Variants in ARHGEF4 observed in about 807,000 individuals in gnomAD.
ARHGEF4 encodes the protein APC-stimulated guanine nucleotide exchange factor 1.
ARHGEF4 carries 119 observed loss-of-function variants against 162.0 expected under a neutral mutation model. The ratio of observed to expected loss-of-function variants is 0.73; its 90% CI spans 0.63 to 0.86. The LOEUF (loss-of-function observed/expected upper bound fraction) is 0.86. Ranked by LOEUF, ARHGEF4 falls within the 40% of genes least tolerant of loss-of-function variation. ARHGEF4 has a pLI of 0.00. For missense variants in ARHGEF4, 2,488 were observed against 2,456.0 expected (o/e 1.01, Z -0.28); for synonymous variants, 1,014 against 979.9 (o/e 1.03, Z -0.65).
intron 4 of ARHGEF4, among the ~76,000 whole-genome samples, chr2:130,950,055 C>T (rs561869665): frequency 1.2e-4 from 18 of 152,308 alleles, no homozygotes; most frequent in African/African-American, 2.4e-4. Context: ...CTGGAAGTGA[C>T]GTTCTTTCAG....
chr2:130,901,280 G>C (rs1337445251), intron 1 of ARHGEF4, among the ~76,000 whole-genome samples: 5 of 152,164 alleles, frequency 3.3e-5, no homozygotes, highest in Admixed American at 2.6e-4. Context: ...AGCCTGGCAG[G>C]TGGGCGTTGG....
At chr2:130,844,488 G>A (rs537546096) in intron 1 of ARHGEF4, among the ~76,000 whole-genome samples, 9 of 152,344 alleles carry the variant, frequency 5.9e-5, no homozygotes, top group African/African-American at 1.7e-4. Context: ...TATCAGCCAC[G>A]TTTGTACCAC....
intron 4 of ARHGEF4, among the ~76,000 whole-genome samples, chr2:130,994,533 C>T (rs1431900437): frequency 6.6e-6 from 1 of 152,174 alleles, no homozygotes; most frequent in Non-Finnish European, 1.5e-5. Context: ...ATTTAATTCT[C>T]TACATTTTTT....
intron 1 of ARHGEF4, among the ~76,000 whole-genome samples, chr2:130,841,683 A>G (rs915319812): frequency 1.3e-5 from 2 of 152,186 alleles, no homozygotes; most frequent in South Asian, 2.1e-4. Context: ...TCTCCTTCCT[A>G]AATGTTTCTT....
Position 130,914,610 on chromosome 2 carries a change from C to G in ARHGEF4, c.664C>G (p.Leu222Val). ...SLQKSRSESY[L>V]GIPVVWPFLL... ...TCAGAAATCCAGGTCTGAGAGCTAT[C>G]TGGGCATCCCAGTGGTCTGGCCCTT... The change falls in exon 2 of 14, where the codon CTG becomes GTG. Residue 222 changes from leucine (L) to valine (V), a missense_variant. Around this residue, in one of 6 missense-constraint regions of ARHGEF4, gnomAD observed 81 missense variants for 125.8 expected, o/e 0.64. Coordinates refer to ENST00000409359, the MANE Select transcript of ARHGEF4 (RefSeq NM_001367493.1). 7.2e-7 allele frequency: 1 copy of G among 1,392,908 alleles called. No homozygotes were observed. Among genetic ancestry groups the G allele is most frequent in the Non-Finnish European group, 9.3e-7 (1 of 1,080,316 alleles). 86.3% of individuals were successfully genotyped at this position (1,392,908 alleles called of 1,614,324 possible).
chr2:130,992,735 T>TTAAAGTATTAAGGATTATTTAGCTGAA (rs1687120105), intron 4 of ARHGEF4, among the ~76,000 whole-genome samples: 3 of 152,134 alleles, frequency 2.0e-5, no homozygotes, highest in Admixed American at 6.5e-5. Flanking sequence ...TGCAACAACT[T>TTAAAGTATTAAGGATTATTTAGCTGAA]TAAAGTATTA....
At chr2:130,964,186 G>A (rs1257260584) in intron 4 of ARHGEF4, 6 of 985,160 alleles carry the variant, frequency 6.1e-6, no homozygotes, top group Non-Finnish European at 7.2e-6. Flanking sequence ...CGGAGGCAAC[G>A]GGGGCATGCG....
At chr2:130,924,029 C>T (rs913600380) in intron 2 of ARHGEF4, among the ~76,000 whole-genome samples, 10 of 151,720 alleles carry the variant, frequency 6.6e-5, no homozygotes, top group Middle Eastern at 3.4e-3. Context: ...TACAGGCACC[C>T]GCCAACACAC....
At chr2:130,927,107 T>C (rs761760670) in intron 2 of ARHGEF4, among the ~76,000 whole-genome samples, 16 of 152,070 alleles carry the variant, frequency 1.1e-4, no homozygotes, top group Non-Finnish European at 2.1e-4. Flanking sequence ...ATTAGGTTGA[T>C]GCCCTTTAGA....
chr2:130,856,093 C>G (rs904853430), intron 1 of ARHGEF4, among the ~76,000 whole-genome samples: 4 of 152,160 alleles, frequency 2.6e-5, no homozygotes, highest in African/African-American at 9.7e-5. Context: ...TATTATAACT[C>G]AGTTCAAATA....
At chr2:130,869,097 GGTCCCTACTCA>G (rs1197619377) in intron 1 of ARHGEF4, among the ~76,000 whole-genome samples, 1 of 152,208 alleles carries the variant, frequency 6.6e-6, no homozygotes, top group East Asian at 1.9e-4. Context: ...ACATCTTGGG[GGTCCCTACTCA>G]GCCTACCAAG....
chr2:131,040,408 C>A lies in ARHGEF4; in HGVS notation c.4630C>A (p.Leu1544Met). The A allele has an allele frequency of 6.2e-7, 1 of 1,603,284 alleles. No individual in the cohort carries two copies. The highest frequency in any genetic ancestry group is 8.5e-7 in the Non-Finnish European group (1 of 1,175,316). Residue 1544 changes from leucine (L) to methionine (M), a missense_variant, in exon 8 of 14, where the codon CTG becomes ATG. Coordinates refer to ENST00000409359, the MANE Select transcript of ARHGEF4 (RefSeq NM_001367493.1). Reference sequence around the variant, plus strand: ...GAGGTTCAACCGCGAGCGCCCACACCTGAGCGAGCTGGGTGCCTGCTTCCT... The same window carrying A: ...GAGGTTCAACCGCGAGCGCCCACACATGAGCGAGCTGGGTGCCTGCTTCCT... The part of the protein sequence containing the change: ...EQRFNRERPH[L>M]SELGACFLEH...
intron 11 of ARHGEF4, chr2:131,043,815 T>C: frequency 1.8e-6 from 1 of 568,944 alleles, no homozygotes; most frequent in South Asian, 2.0e-5. Context: ...AGCATGATCT[T>C]TCCTGACCTG....
chr2:131,035,064 G>A (rs1257036279), intron 5 of ARHGEF4: 1 of 1,007,216 alleles, frequency 9.9e-7, no homozygotes, highest in Non-Finnish European at 1.2e-6. Context: ...GGGATCTCGG[G>A]GCCGCACGGA....
intron 4 of ARHGEF4, among the ~76,000 whole-genome samples, chr2:131,000,244 T>C (rs1687679184): frequency 6.6e-6 from 1 of 152,242 alleles, no homozygotes; most frequent in Non-Finnish European, 1.5e-5. Context: ...TGTGGTGAAC[T>C]TCACTGATCT....
At chr2:131,031,440 C>T (rs1485701082) in intron 5 of ARHGEF4, among the ~76,000 whole-genome samples, 2 of 152,186 alleles carry the variant, frequency 1.3e-5, no homozygotes, top group African/African-American at 2.4e-5. Flanking sequence ...ATACATGTAA[C>T]GTGTGTAGTG....
intron 4 of ARHGEF4, among the ~76,000 whole-genome samples, chr2:130,947,484 G>A (rs534578308): frequency 4.6e-5 from 7 of 152,266 alleles, no homozygotes; most frequent in Non-Finnish European, 5.9e-5. Context: ...CCTTCGTCTC[G>A]TAGTAGGATG....
chr2:130,976,037 C>T (rs1010582782), intron 4 of ARHGEF4, among the ~76,000 whole-genome samples: 4 of 152,140 alleles, frequency 2.6e-5, no homozygotes, highest in African/African-American at 9.7e-5. Flanking sequence ...AGCCCAGGGT[C>T]GACCTCAGGT....
Position 130,933,252 on chromosome 2 carries a change from G to C in ARHGEF4, c.3858+1995G>C, listed in dbSNP as rs151304415. Among the ~76,000 whole-genome samples the C allele has an allele frequency of 2.6e-4, 39 of 151,938 alleles. No individual in the cohort carries two copies. The East Asian group carries it at 7.3e-3, about 29-fold the overall frequency. ...AAAAGTCAAATTACCTTAGATGTGT[G>C]GGTGTATTTTTGACTCTCAATTCTA... On this transcript the variant is annotated intron_variant, in intron 3 of 13. Transcript: ENST00000409359.
Sources: allele counts gnomAD v4.1 joint callset (sites outside exome capture counted in the v4.1 genomes callset), GRCh38; gene constraint gnomAD v4.1.1; regional missense constraint gnomAD v4.1.1; transcripts MANE v1.5; gene names NCBI Gene and HGNC (gene_info 2026-07-23, HGNC 2026-07-21).